Variants in CRACD observed in about 807,000 individuals in gnomAD.
CRACD encodes capping protein inhibiting regulator of actin dynamics.
In CRACD, 56 loss-of-function variants were observed where a neutral mutation model predicts 106.8. That is an observed-to-expected ratio of 0.52 (90% confidence interval 0.42 to 0.66). The LOEUF (loss-of-function observed/expected upper bound fraction) is 0.66. CRACD is among the 30% of genes least tolerant of loss of function. The pLI is 0.00. For synonymous variants in CRACD, 754 were observed against 670.8 expected (o/e 1.12, Z -1.92); for missense variants, 1,730 against 1,623.2 (o/e 1.07, Z -1.13).
At chr4:56,196,541 A>G (rs1020236643) in intron 2 of CRACD, 2 of 152,708 alleles carry the variant, frequency 1.3e-5, no homozygotes, top group African/African-American at 4.8e-5. Flanking sequence ...AAATTGTACA[A>G]TAACCTCATC....
intron 1 of CRACD, among the ~76,000 whole-genome samples, chr4:56,178,511 C>T (rs1736678659): frequency 6.6e-6 from 1 of 152,142 alleles, no homozygotes; most frequent in Non-Finnish European, 1.5e-5. Context: ...AACTTTTGTC[C>T]AGCTGTTCTA....
At chr4:56,119,892 T>G (rs1734427978) in intron 1 of CRACD, among the ~76,000 whole-genome samples, 1 of 152,204 alleles carries the variant, frequency 6.6e-6, no homozygotes, top group Admixed American at 6.5e-5. Context: ...TTGATGACAT[T>G]GCTCTCTGTG....
At chr4:56,197,450 C>A (rs1737663367) in intron 2 of CRACD, among the ~76,000 whole-genome samples, 1 of 152,100 alleles carries the variant, frequency 6.6e-6, no homozygotes, top group Non-Finnish European at 1.5e-5. Context: ...AAGTTAGGAA[C>A]AGGAGAGCTA....
chr4:56,294,032 A>T (rs1025315883), intron 3 of CRACD, among the ~76,000 whole-genome samples: 8 of 152,116 alleles, frequency 5.3e-5, no homozygotes, highest in Non-Finnish European at 8.8e-5. Context: ...TCCAGACCAG[A>T]CTAGGGAAGA....
chr4:56,153,115 G>T (rs1577696885), intron 1 of CRACD, among the ~76,000 whole-genome samples: 1 of 152,010 alleles, frequency 6.6e-6, no homozygotes, highest in Admixed American at 6.6e-5. Context: ...CCCCATCTCT[G>T]CTAAAAATAC....
At position 56,315,341 on chromosome 4, in the gene CRACD, C is replaced by T; in HGVS notation, c.1839C>T (p.Ile613=). The change falls in exon 8 of 11, where the codon ATC becomes ATT. Residue 613 remains isoleucine (I), a synonymous_variant. Coordinates refer to ENST00000682029, the MANE Select transcript of CRACD (RefSeq NM_001393381.1). The surrounding 1 kb of genome is among the most constrained non-coding windows in gnomAD (Gnocchi z 4.1). ...LCGPAVNLSQ[I]KDTACKSLLG... Reference sequence around the variant, plus strand: ...GCCCGGCAGTCAACCTGAGCCAGATCAAGGACACCGCGTGCAAGTCCCTCC... The same window carrying T: ...GCCCGGCAGTCAACCTGAGCCAGATTAAGGACACCGCGTGCAAGTCCCTCC... 6.2e-7 allele frequency: 1 copy of T among 1,613,860 alleles called. No homozygotes were observed. Among genetic ancestry groups the T allele is most frequent in the Non-Finnish European group, 8.5e-7 (1 of 1,179,964 alleles).
At chr4:56,311,977 TTG>T (rs1012022559) in intron 6 of CRACD, among the ~76,000 whole-genome samples, 2 of 151,970 alleles carry the variant, frequency 1.3e-5, no homozygotes, top group African/African-American at 4.8e-5. Context: ...TCATCTGAGG[TTG>T]TGTTTTTTTT....
At chr4:56,213,401 A>G (rs1585746) in intron 2 of CRACD, among the ~76,000 whole-genome samples, 47,372 of 151,866 alleles carry the variant, frequency 0.31, 8,522 homozygotes, top group East Asian at 0.55. Context: ...AGCCAAGATC[A>G]CGCCATTGCA....
At chr4:56,181,942 T>G (rs1736838899) in intron 2 of CRACD, among the ~76,000 whole-genome samples, 1 of 152,196 alleles carries the variant, frequency 6.6e-6, no homozygotes, top group Admixed American at 6.5e-5. Context: ...GGTCAGGACT[T>G]CAGCTTACTT....
chr4:56,063,805 G>A (rs543531275), intron 1 of CRACD, among the ~76,000 whole-genome samples: 48 of 152,308 alleles, frequency 3.2e-4, no homozygotes, highest in Non-Finnish European at 5.6e-4. Flanking sequence ...ATGCTGCTAT[G>A]AACATTGGTG....
At chr4:56,070,401 G>C (rs1484474462) in intron 1 of CRACD, among the ~76,000 whole-genome samples, 1 of 150,776 alleles carries the variant, frequency 6.6e-6, no homozygotes, top group Non-Finnish European at 1.5e-5. Context: ...CCGGGTTCAC[G>C]CCATTCTTCT....
At chr4:56,062,348 AT>A (rs1376451937) in intron 1 of CRACD, among the ~76,000 whole-genome samples, 1 of 152,230 alleles carries the variant, frequency 6.6e-6, no homozygotes. Context: ...AGCCAGGTCT[AT>A]CCTGAGGTCT....
intron 2 of CRACD, among the ~76,000 whole-genome samples, chr4:56,257,447 T>C (rs1167063963): frequency 6.7e-6 from 1 of 149,892 alleles, no homozygotes; most frequent in African/African-American, 2.5e-5. Flanking sequence ...CAGTACTTTG[T>C]GAGGCTGAGG....
At position 56,105,927 on chromosome 4, in the gene CRACD, A is replaced by G. The variant is rs558617321; in HGVS notation, c.-336+56628A>G. Among the ~76,000 whole-genome samples the G allele has an allele frequency of 4.2e-5, 6 of 143,358 alleles. No individual in the cohort carries two copies. The East Asian group carries it at 8.1e-4, about 19-fold the overall frequency. The allele number at this position is 143,358 out of a possible 152,430, so 94.0% of individuals were successfully genotyped here. On this transcript the variant is annotated intron_variant, in intron 1 of 10. Coordinates refer to ENST00000682029, the MANE Select transcript of CRACD (RefSeq NM_001393381.1). ...GGCCTTTGGCAAAGTTGAGAAATAG[A>G]TTTTTTTTTTTTTTTTAGTTTCTCT...
At chr4:56,276,466 G>A (rs1742678838) in intron 3 of CRACD, among the ~76,000 whole-genome samples, 1 of 152,100 alleles carries the variant, frequency 6.6e-6, no homozygotes, top group African/African-American at 2.4e-5. Flanking sequence ...CCAATGGCAT[G>A]TATTAAAGGT....
chr4:56,325,973 G>A (rs772217832), intron 10 of CRACD, among the ~76,000 whole-genome samples: 3 of 152,168 alleles, frequency 2.0e-5, no homozygotes, highest in South Asian at 2.1e-4. Flanking sequence ...GTGCGATGGC[G>A]CCATCTCGGC....
intron 1 of CRACD, among the ~76,000 whole-genome samples, chr4:56,106,449 A>G (rs537709723): frequency 2.0e-5 from 3 of 152,322 alleles, no homozygotes; most frequent in Admixed American, 6.5e-5. Context: ...ATTGAAGGAG[A>G]CTTTTACTTC....
intron 1 of CRACD, among the ~76,000 whole-genome samples, chr4:56,140,096 T>C (rs1312655671): frequency 6.6e-6 from 1 of 152,234 alleles, no homozygotes; most frequent in Non-Finnish European, 1.5e-5. Context: ...CAGTCAATTT[T>C]CTTCTCTCTT....
chr4:56,177,853 A>C (rs991243605), intron 1 of CRACD, among the ~76,000 whole-genome samples: 2 of 151,880 alleles, frequency 1.3e-5, no homozygotes, highest in Admixed American at 1.3e-4. Flanking sequence ...ACCTGTTGTA[A>C]TGCCTTCTTT....
Sources: gnomAD v4.1 joint callset for allele counts (sites outside exome capture counted in the v4.1 genomes callset) on GRCh38, gnomAD v4.1.1 for gene constraint, Gnocchi (gnomAD v3.1) non-coding constraint, MANE v1.5 for transcripts, NCBI Gene and HGNC (gene_info 2026-07-23, HGNC 2026-07-21) for gene names.